XPC: variants seen among roughly 807,000 people sequenced by gnomAD.
XPC encodes XPC complex subunit, DNA damage recognition and repair factor.
XPC carries 76 observed loss-of-function variants against 95.8 expected under a neutral mutation model. The ratio of observed to expected loss-of-function variants is 0.79; its 90% CI spans 0.66 to 0.96. XPC has a LOEUF of 0.96. XPC is among the 40% of genes least tolerant of loss of function. The pLI is 0.00. For missense variants in XPC, 1,146 were observed against 1,179.8 expected, an observed-to-expected ratio of 0.97 and a Z score of 0.42; for synonymous variants, 442 against 442.1, an observed-to-expected ratio of 1.00 and a Z score of 0.00.
At chr3:14,165,077 T>C (rs764993435) in intron 6 of XPC, 144 bp from the exon 7 acceptor site, 4 of 1,280,818 alleles carry the variant, frequency 3.1e-6, no homozygotes, top group East Asian at 2.6e-5. Context: ...AGCTAACTCC[T>C]ATCATCACTG....
At chr3:14,151,432 C>G (rs553876386) in intron 11 of XPC, 2 of 152,216 alleles carry the variant, frequency 1.3e-5, no homozygotes, top group African/African-American at 2.4e-5. Flanking sequence ...GGTTCCAGCA[C>G]AAAAGACAGG....
intron 14 of XPC, chr3:14,147,581 A>C: frequency 3.2e-6 from 2 of 626,124 alleles, no homozygotes; most frequent in Non-Finnish European, 5.5e-6. Flanking sequence ...AAAACAGATA[A>C]CTTTTTAATC....
rs1696002524 is a variant in XPC, at chr3:14,158,220, G to A, written c.1663C>T (p.Pro555Ser). The A allele has an allele frequency of 6.2e-7, 1 of 1,613,840 alleles. No homozygotes were observed. The highest frequency in any genetic ancestry group is 8.5e-7 in the Non-Finnish European group (1 of 1,179,872). ...VDCVHGVVGQ[P>S]LTCYKYATKP... ...GTGGCGTACTTGTAACAGGTCAGAG[G>A]CTGGCCCACCACACCGTGCACACAG... The change falls in exon 9 of 16, where the codon CCT becomes TCT. Residue 555 changes from proline to serine, a missense_variant. Transcript: ENST00000285021. The surrounding 1 kb of genome is among the most constrained non-coding windows in gnomAD (Gnocchi z 5.2).
chr3:14,170,396 A>T, intron 3 of XPC, 42 bp downstream of exon 3: 1 of 1,582,020 alleles, frequency 6.3e-7, no homozygotes, highest in Non-Finnish European at 8.7e-7. Flanking sequence ...CAAAAAAACA[A>T]ACAGAACCAA....
chr3:14,165,503 G>T lies in XPC; in HGVS notation c.704C>A (p.Ser235Tyr). Residue 235 changes from serine to tyrosine, a missense_variant, in exon 6 of 16, where the codon TCC (serine) becomes TAC (tyrosine). Ser to Tyr is a moderately radical substitution (Grantham distance 144). Coordinates refer to ENST00000285021, the MANE Select transcript of XPC (RefSeq NM_004628.5). ...TCTGGTAAAGCGGGCTGGGATGATG[G>T]ACAGGCCAATAGCATGCAGATCTGG... The part of the protein sequence containing the change: ...SQPDLHAIGL[S>Y]IIPARFTRVL... The T allele has an allele frequency of 6.2e-7, 1 of 1,609,846 alleles. No homozygotes were observed. Among genetic ancestry groups the T allele is most frequent in the Non-Finnish European group, 8.5e-7 (1 of 1,177,998 alleles).
chr3:14,158,177 A>G lies in XPC; in HGVS notation c.1706T>C (p.Val569Ala). 1 of 1,613,694 alleles carries G rather than the reference A, an allele frequency of 6.2e-7. No homozygotes were observed. Reference protein sequence around the residue: ...YKYATKPMTYVVGIDSDGWVR... With the variant: ...YKYATKPMTYAVGIDSDGWVR... ...CCAGCCGTCACTGTCAATGCCCACC[A>G]CATAGGTCATGGGCTTGGTGGCGTA... The change falls in exon 9 of 16, where the codon GTG becomes GCG. Residue 569 changes from valine to alanine, a missense_variant. Val to Ala is a moderately conservative substitution (Grantham distance 64). Coordinates refer to ENST00000285021, the MANE Select transcript of XPC (RefSeq NM_004628.5). This position sits in a 1 kb window ranked among gnomAD's most constrained non-coding sequence, Gnocchi z 5.2.
chr3:14,170,708 A>G, intron 2 of XPC, 158 bp from the exon 3 acceptor site: 1 of 536,602 alleles, frequency 1.9e-6, no homozygotes, highest in Non-Finnish European at 3.3e-6. Context: ...TCCTCCATCA[A>G]CATGTGTTCC....
chr3:14,147,901 C>T lies in XPC; in HGVS notation c.2514+7G>A, dbSNP rs780618789. The T allele has an allele frequency of 7.5e-6, 12 of 1,592,466 alleles. No individual in the cohort carries two copies. The highest frequency in any genetic ancestry group is 3.4e-5 in the South Asian group (3 of 87,694). On this transcript the variant is annotated splice_region_variant and intron_variant, in intron 14 of 15. Coordinates refer to ENST00000285021, the MANE Select transcript of XPC (RefSeq NM_004628.5). ...CTGCTGTCCCTCAGTCCTGCATATGCGCTTACCTCCTTCTCCTTCCTTTCA... is the reference window on the plus strand; with the variant it reads ...CTGCTGTCCCTCAGTCCTGCATATGTGCTTACCTCCTTCTCCTTCCTTTCA...
Position 14,165,622 on chromosome 3 carries a change from G to T in XPC, c.622-37C>A, listed in dbSNP as rs1382679147. Reference sequence around the variant, plus strand: ...AAAGGAGGAAGGGGCAGCATGGAAGGAAGGCCGGACACCAGGAGGAATTTT... The same window carrying T: ...AAAGGAGGAAGGGGCAGCATGGAAGTAAGGCCGGACACCAGGAGGAATTTT... On this transcript the variant is annotated intron_variant, in intron 5 of 15. Transcript: ENST00000285021. The T allele has an allele frequency of 5.6e-6, 9 of 1,608,202 alleles. No individual in the cohort carries two copies. The African/African-American group carries it at 1.2e-4, about 21-fold the overall frequency.
chr3:14,150,975 A>G (rs146126554), intron 11 of XPC, among the ~76,000 whole-genome samples: 237 of 152,282 alleles, frequency 1.6e-3, no homozygotes, highest in Non-Finnish European at 2.7e-3. Flanking sequence ...AGGATGGCCA[A>G]GATGCACAGA....
At chr3:14,151,155 C>T (rs1695672547) in intron 11 of XPC, among the ~76,000 whole-genome samples, 2 of 152,108 alleles carry the variant, frequency 1.3e-5, no homozygotes, top group Admixed American at 6.5e-5. Context: ...CCACCAGTCA[C>T]GTGTGGCCAC....
At chr3:14,150,033 A>C (rs745891008) in intron 11 of XPC, 1 of 152,260 alleles carries the variant, frequency 6.6e-6, no homozygotes, top group Admixed American at 6.5e-5. Context: ...AATTCAGGTA[A>C]CTGTCCATCA....
intron 6 of XPC, 58 bp from the exon 7 acceptor site, chr3:14,164,991 T>C (rs2125036010): frequency 6.4e-7 from 1 of 1,557,574 alleles, no homozygotes; most frequent in Admixed American, 2.1e-5. Flanking sequence ...GAATTTTCAT[T>C]TCCAGCCAAG....
rs1019689561 is a variant in XPC, at chr3:14,158,932, C to G, written c.991-40G>C. On this transcript the variant is annotated intron_variant, in intron 8 of 15. Transcript: ENST00000285021. The surrounding 1 kb of genome is among the most constrained non-coding windows in gnomAD (Gnocchi z 5.2). The stretch of plus-strand genomic sequence containing the variant: ...GAAATTTTGCTTTTTTTTCTCCCCC[C>G]TCTTTTGCTAATGATATGATAGAAA... The G allele has an allele frequency of 3.1e-6, 5 of 1,610,722 alleles. No homozygotes were observed. In the African/African-American group the frequency reaches 5.4e-5, roughly 17 times the overall value.
At chr3:14,153,980 C>A (rs913297794) in intron 10 of XPC, among the ~76,000 whole-genome samples, 1 of 152,046 alleles carries the variant, frequency 6.6e-6, no homozygotes, top group Non-Finnish European at 1.5e-5. Flanking sequence ...CAGACAGGAG[C>A]GGGTAAAAAA....
chr3:14,164,554 C>G, intron 7 of XPC: 1 of 349,558 alleles, frequency 2.9e-6, no homozygotes, highest in Admixed American at 5.0e-5. Flanking sequence ...TTTGGTACAC[C>G]ACAACTAGAG....
Position 14,165,573 on chromosome 3 carries a change from A to G in XPC, c.634T>C (p.Cys212Arg). The G allele has an allele frequency of 6.2e-7, 1 of 1,613,458 alleles. No homozygotes were observed. The highest frequency in any genetic ancestry group is 8.5e-7 in the Non-Finnish European group (1 of 1,179,720). ...HEDTHKVHLL[C>R]LLANGFYRNN... is the part of the protein sequence containing the mutation. ...CGATAGAAGCCATTTGCTAGCAGGC[A>G]GAGAAGGTGAACCTGTGAAGAGGAA... Residue 212 changes from cysteine (C) to arginine (R), a missense_variant, in exon 6 of 16, where the codon TGC becomes CGC. Cys to Arg is a radical substitution (Grantham distance 180). Transcript: ENST00000285021.
In XPC at chr3:14,151,044, G is replaced by A. The variant is rs1695668868; in HGVS notation, c.2115+1291C>T. 2.0e-5 allele frequency among the ~76,000 whole-genome samples: 3 copies of A among 152,114 alleles called. No homozygotes were observed. In the South Asian group the frequency reaches 6.2e-4, roughly 32 times the overall value. ...GGCTGGGAAGGAGGCTGTGGCTGTT[G>A]CCCAAGCAAAAGATACTGAGGCAGG... is the stretch of plus-strand genomic sequence containing the variant. On this transcript the variant is annotated intron_variant, in intron 11 of 15. Coordinates refer to ENST00000285021, the MANE Select transcript of XPC (RefSeq NM_004628.5).
intron 3 of XPC, 89 bp downstream of exon 3, chr3:14,170,349 G>C (rs1696558640): frequency 8.1e-7 from 1 of 1,233,470 alleles, no homozygotes; most frequent in African/African-American, 1.5e-5. Flanking sequence ...AAAACAAAAG[G>C]ATTGCAATTA....
Sources: allele counts gnomAD v4.1 joint callset (sites outside exome capture counted in the v4.1 genomes callset), GRCh38; gene constraint gnomAD v4.1.1; non-coding constraint Gnocchi (gnomAD v3.1); transcripts MANE v1.5; gene names NCBI Gene and HGNC (gene_info 2026-07-23, HGNC 2026-07-21).